STK39: variants seen among roughly 807,000 people sequenced by gnomAD.
STK39 encodes serine/threonine kinase 39.
Under a neutral mutation model 77.8 loss-of-function variants are expected in STK39, and 20 were observed. The observed-to-expected ratio is 0.26, with a 90% confidence interval of 0.18 to 0.37. The LOEUF is 0.37. Among genes scored for constraint, STK39 ranks in the 10% least tolerant of loss-of-function variants. STK39 has a pLI of 1.00. For synonymous variants in STK39, 246 were observed against 234.1 expected, an observed-to-expected ratio of 1.05 and a Z score of -0.47; for missense variants, 479 against 656.5, an observed-to-expected ratio of 0.73 and a Z score of 2.95.
chr2:168,246,651 AG>A (rs1040299292), intron 1 of STK39, among the ~76,000 whole-genome samples: 39 of 152,294 alleles, frequency 2.6e-4, no homozygotes, highest in South Asian at 1.7e-3. Flanking sequence ...GGCGGCTGTC[AG>A]GAAGAGAGGC....
intron 16 of STK39, among the ~76,000 whole-genome samples, chr2:167,993,392 G>C (rs1683751868): frequency 6.6e-6 from 1 of 152,200 alleles, no homozygotes; most frequent in African/African-American, 2.4e-5. Context: ...TGTGAATTAG[G>C]AAACATGCAG....
rs2105506694 is a variant in STK39 at position 168,129,416 on chromosome 2, A to C, written c.1089+125T>G. ...GGCAAATGCAGTTATCTGAGTAATCACTAATGAGATATAGCGTCTGAATAG... is the reference window on the plus strand; with the variant it reads ...GGCAAATGCAGTTATCTGAGTAATCCCTAATGAGATATAGCGTCTGAATAG... On this transcript the variant is annotated intron_variant, in intron 10 of 17. Coordinates refer to ENST00000355999, the MANE Select transcript of STK39 (RefSeq NM_013233.3). The C allele has an allele frequency of 7.8e-6, 8 of 1,021,350 alleles. No individual in the cohort carries two copies. In the South Asian group the frequency reaches 1.1e-4, roughly 14 times the overall value. The allele number at this position is 1,021,350 out of a possible 1,614,324, so 63.3% of individuals were successfully genotyped here. A position where few individuals can be genotyped will look rare whatever the true frequency, so the allele number is the denominator to read the frequency against.
At chr2:168,203,730 C>A (rs530190248) in intron 1 of STK39, among the ~76,000 whole-genome samples, 5 of 152,192 alleles carry the variant, frequency 3.3e-5, no homozygotes, top group African/African-American at 1.2e-4. Flanking sequence ...GTAGCTGGGA[C>A]TACAGGAGCC....
rs1486798835 is a variant in STK39 at position 168,140,696 on chromosome 2, T to C, written c.691A>G (p.Thr231Ala). The part of the protein sequence containing the change: ...GDVTRNKVRK[T>A]FVGTPCWMAP... ...ATCCAACATGGGGTGCCAACGAATG[T>C]TTTTCTTACTTTATTTCGGGTAACA... The change falls in exon 6 of 18, where the codon ACA (threonine) becomes GCA (alanine). Residue 231 changes from threonine (T) to alanine (A), a missense_variant. Thr to Ala is a moderately conservative substitution (Grantham distance 58). Around this residue, in one of 3 missense-constraint regions of STK39, gnomAD observed 139 missense variants for 280.6 expected, o/e 0.50. Coordinates refer to ENST00000355999, the MANE Select transcript of STK39 (RefSeq NM_013233.3). 6.2e-7 allele frequency: 1 copy of C among 1,612,040 alleles called. No individual in the cohort carries two copies. Among genetic ancestry groups the C allele is most frequent in the Non-Finnish European group, 8.5e-7 (1 of 1,178,426 alleles).
At chr2:168,233,760 T>C (rs1242420663) in intron 1 of STK39, among the ~76,000 whole-genome samples, 2 of 152,222 alleles carry the variant, frequency 1.3e-5, no homozygotes, top group Non-Finnish European at 2.9e-5. Flanking sequence ...AATCAGTCCC[T>C]TCTTCATAAC....
At chr2:168,055,987 G>C (rs920227729) in intron 14 of STK39, among the ~76,000 whole-genome samples, 6 of 152,000 alleles carry the variant, frequency 3.9e-5, no homozygotes, top group Admixed American at 6.6e-5. Context: ...TGATATCATA[G>C]ATGACATTAT....
chr2:168,090,666 G>A (rs555083703), intron 10 of STK39, among the ~76,000 whole-genome samples: 4 of 152,252 alleles, frequency 2.6e-5, no homozygotes, highest in African/African-American at 4.8e-5. Flanking sequence ...AAATACCCTA[G>A]GCTAAAACGT....
intron 14 of STK39, among the ~76,000 whole-genome samples, chr2:168,050,222 T>C (rs938380073): frequency 2.2e-4 from 33 of 152,212 alleles, no homozygotes; most frequent in Non-Finnish European, 2.9e-5. Flanking sequence ...ATGTTAGGAA[T>C]GTGACAGGCA....
chr2:168,166,941 T>G (rs1299653961), intron 3 of STK39, among the ~76,000 whole-genome samples: 1 of 152,048 alleles, frequency 6.6e-6, no homozygotes, highest in African/African-American at 2.4e-5. Context: ...GGATGTGACC[T>G]TTTAGGCCTG....
chr2:167,997,655 G>A (rs931260620), intron 16 of STK39, among the ~76,000 whole-genome samples: 1 of 152,182 alleles, frequency 6.6e-6, no homozygotes, highest in Non-Finnish European at 1.5e-5. Flanking sequence ...CTCTACAGCA[G>A]TTTCAGATCC....
rs1018645116 is a variant in STK39 at position 168,236,158 on chromosome 2, G to T, written c.208+11070C>A. ...TAATGATCACCATTCTAACTGGTGT[G>T]AGATGGTATCTCATTGTGGTTTTCA... is the stretch of plus-strand genomic sequence containing the variant. On this transcript the variant is annotated intron_variant, in intron 1 of 17. Transcript: ENST00000355999. 2.0e-5 allele frequency among the ~76,000 whole-genome samples: 3 copies of T among 152,224 alleles called. No individual in the cohort carries two copies. The Middle Eastern group carries it at 0.01, about 518-fold the overall frequency.
chr2:167,967,523 T>G (rs1329797897), intron 16 of STK39, among the ~76,000 whole-genome samples: 1 of 152,242 alleles, frequency 6.6e-6, no homozygotes, highest in East Asian at 1.9e-4. Flanking sequence ...ATTTACTTTT[T>G]TTTTGTTTTG....
intron 10 of STK39, among the ~76,000 whole-genome samples, chr2:168,093,272 A>C (rs931637897): frequency 2.0e-5 from 3 of 152,216 alleles, no homozygotes; most frequent in Non-Finnish European, 4.4e-5. Flanking sequence ...TGCTATGAAG[A>C]AATACCCAAG....
chr2:168,118,171 G>A (rs558378931), intron 10 of STK39, among the ~76,000 whole-genome samples: 87 of 152,068 alleles, frequency 5.7e-4, no homozygotes, highest in Admixed American at 3.0e-3. Flanking sequence ...GGAGGCAGTC[G>A]GGAGCTTCTC....
rs1408411572 is a variant in STK39 at position 168,245,866 on chromosome 2, A to G, written c.208+1362T>C. On this transcript the variant is annotated intron_variant, in intron 1 of 17. Coordinates refer to ENST00000355999, the MANE Select transcript of STK39 (RefSeq NM_013233.3). The stretch of plus-strand genomic sequence containing the variant: ...TATGAAAGATCTGGGTTTTCAAAGA[A>G]TTTTGTCTACAGATGCCTATTATAG... 9.8e-5 allele frequency among the ~76,000 whole-genome samples: 15 copies of G among 152,304 alleles called. No homozygotes were observed. In the East Asian group the frequency reaches 2.9e-3, roughly 29 times the overall value.
At chr2:168,008,050 C>T (rs1348570672) in intron 16 of STK39, among the ~76,000 whole-genome samples, 2 of 152,194 alleles carry the variant, frequency 1.3e-5, no homozygotes, top group African/African-American at 4.8e-5. Flanking sequence ...CCCCTGCCCC[C>T]TTCATTGCCA....
At chr2:167,956,315 T>A (rs1255789009) in intron 17 of STK39, among the ~76,000 whole-genome samples, 1 of 152,100 alleles carries the variant, frequency 6.6e-6, no homozygotes, top group Admixed American at 6.5e-5. Context: ...TCCCAGCACT[T>A]TGGGGGGCCG....
chr2:168,090,493 A>G (rs1686490539), intron 10 of STK39, among the ~76,000 whole-genome samples: 1 of 152,238 alleles, frequency 6.6e-6, no homozygotes, highest in African/African-American at 2.4e-5. Flanking sequence ...GGACTCCATT[A>G]GTTTCTGAAA....
At position 168,065,856 on chromosome 2, in the gene STK39, A is replaced by G. The variant is rs113579815; in HGVS notation, c.1243-475T>C. ...AGCAATTATTCACTGTATTTAAAAA[A>G]TACATAAGGATAGTTGCATTTTTAA... On this transcript the variant is annotated intron_variant, in intron 12 of 17. Coordinates refer to ENST00000355999, the MANE Select transcript of STK39 (RefSeq NM_013233.3). Among the ~76,000 whole-genome samples the G allele has an allele frequency of 3.0e-3, 454 of 152,346 alleles. 1 individual carries two copies. The highest frequency in any genetic ancestry group is 0.01 in the African/African-American group (434 of 41,568).
Sources: gnomAD v4.1 joint callset for allele counts (sites outside exome capture counted in the v4.1 genomes callset) on GRCh38, gnomAD v4.1.1 for gene constraint, gnomAD v4.1.1 regional missense constraint, MANE v1.5 for transcripts, NCBI Gene and HGNC (gene_info 2026-07-23, HGNC 2026-07-21) for gene names.